MFHAS1: variants seen among roughly 807,000 people sequenced by gnomAD.
MFHAS1 encodes the protein malignant fibrous histiocytoma-amplified sequence 1.
A neutral mutation model predicts 70.4 loss-of-function variants in MFHAS1; 50 were observed. The observed-to-expected ratio is 0.71, with a 90% CI of 0.57 to 0.90. The LOEUF is 0.90. MFHAS1 is among the 40% of genes least tolerant of loss of function. The pLI, the probability that MFHAS1 is intolerant of heterozygous loss-of-function variation, is 0.00. For synonymous variants in MFHAS1, 952 were observed against 620.0 expected (o/e 1.54, Z -7.96); for missense variants, 1,795 against 1,347.6 (o/e 1.33, Z -5.20).
At chr8:8,853,662 G>A (rs1439961336) in intron 1 of MFHAS1, among the ~76,000 whole-genome samples, 2 of 152,128 alleles carry the variant, frequency 1.3e-5, no homozygotes, top group Admixed American at 6.5e-5. Context: ...CGCCTCCAGG[G>A]TTCAAGCGAT....
intron 1 of MFHAS1, among the ~76,000 whole-genome samples, chr8:8,854,173 G>A (rs1431168016): frequency 1.3e-5 from 2 of 152,092 alleles, no homozygotes; most frequent in Admixed American, 1.3e-4. Context: ...AAGGTGGCAG[G>A]ATGACTTGAG....
chr8:8,796,031 T>G (rs147302492), intron 2 of MFHAS1, among the ~76,000 whole-genome samples: 5 of 152,306 alleles, frequency 3.3e-5, no homozygotes, highest in Non-Finnish European at 5.9e-5. Context: ...TTTTCAGGAT[T>G]TGAAGTAACA....
intron 1 of MFHAS1, among the ~76,000 whole-genome samples, chr8:8,878,496 T>C (rs1172487554): frequency 6.6e-6 from 1 of 152,156 alleles, no homozygotes; most frequent in Non-Finnish European, 1.5e-5. Flanking sequence ...TCTCCAAAAA[T>C]AGGGAGACTG....
intron 1 of MFHAS1, 52 bp downstream of exon 1, chr8:8,890,009 A>G: frequency 7.0e-7 from 1 of 1,431,290 alleles, no homozygotes; most frequent in Non-Finnish European, 9.5e-7. Flanking sequence ...AGTATCTCCA[A>G]AAACATATCT....
intron 1 of MFHAS1, among the ~76,000 whole-genome samples, chr8:8,798,934 G>C (rs576111348): frequency 1.2e-3 from 189 of 152,094 alleles, no homozygotes; most frequent in African/African-American, 4.4e-3. Flanking sequence ...TGTAGTCCCA[G>C]CTACCCAGGA....
At chr8:8,837,928 A>C (rs1017846435) in intron 1 of MFHAS1, among the ~76,000 whole-genome samples, 12 of 152,208 alleles carry the variant, frequency 7.9e-5, no homozygotes, top group Admixed American at 7.2e-4. Context: ...CCACCCCTAC[A>C]TGTTTACTCA....
chr8:8,818,697 C>T (rs1409817001), intron 1 of MFHAS1, among the ~76,000 whole-genome samples: 1 of 152,216 alleles, frequency 6.6e-6, no homozygotes, highest in Non-Finnish European at 1.5e-5. Context: ...TCCTCACATC[C>T]TTGTTACCCT....
intron 1 of MFHAS1, among the ~76,000 whole-genome samples, chr8:8,858,594 G>A (rs75059374): frequency 3.2e-4 from 48 of 152,106 alleles, no homozygotes; most frequent in East Asian, 9.7e-4. Flanking sequence ...TCATTGTGGC[G>A]ATGGCCTCAC....
intron 1 of MFHAS1, among the ~76,000 whole-genome samples, chr8:8,819,462 G>A (rs551692025): frequency 3.4e-4 from 51 of 152,092 alleles, no homozygotes; most frequent in Non-Finnish European, 4.3e-4. Context: ...AAAATTAGCC[G>A]GGCATGGTGG....
intron 1 of MFHAS1, among the ~76,000 whole-genome samples, chr8:8,848,167 C>T (rs943845526): frequency 9.2e-5 from 14 of 152,170 alleles, no homozygotes; most frequent in East Asian, 1.9e-4. Context: ...CCCTTTTAGC[C>T]GAGCTCCCAG....
chr8:8,807,824 G>A (rs879470733), intron 1 of MFHAS1, among the ~76,000 whole-genome samples: 1 of 152,160 alleles, frequency 6.6e-6, no homozygotes, highest in Non-Finnish European at 1.5e-5. Flanking sequence ...TATTCTCTTA[G>A]TAACAATTTA....
intron 1 of MFHAS1, among the ~76,000 whole-genome samples, chr8:8,812,845 C>T (rs919250629): frequency 1.3e-5 from 2 of 152,142 alleles, no homozygotes; most frequent in East Asian, 3.9e-4. Flanking sequence ...GAGCTCACTG[C>T]AACCTCCACC....
At position 8,892,055 on chromosome 8, in the gene MFHAS1, G is replaced by C. The variant is rs768078792; in HGVS notation, c.1004C>G (p.Pro335Arg). The C allele has an allele frequency of 1.9e-6, 3 of 1,613,424 alleles. No individual in the cohort carries two copies. The highest frequency in any genetic ancestry group is 2.5e-6 in the Non-Finnish European group (3 of 1,180,024). The change falls in exon 1 of 3, where the codon CCG (proline) becomes CGG (arginine). Residue 335 changes from proline (P) to arginine (R), a missense_variant. Pro to Arg is a moderately radical substitution (Grantham distance 103). Coordinates refer to ENST00000276282, the MANE Select transcript of MFHAS1 (RefSeq NM_004225.3). The surrounding 1 kb of genome is among the most constrained non-coding windows in gnomAD (Gnocchi z 4.7). ...WLDNNRIRYL[P>R]DSIVELTGLE... ...GCCGGTCAGCTCCACGATGGAGTCCGGCAGGTAGCGGATGCGGTTATTATC... is the reference window on the plus strand; with the variant it reads ...GCCGGTCAGCTCCACGATGGAGTCCCGCAGGTAGCGGATGCGGTTATTATC...
chr8:8,802,860 C>T (rs975040524), intron 1 of MFHAS1, among the ~76,000 whole-genome samples: 7 of 152,164 alleles, frequency 4.6e-5, no homozygotes, highest in Non-Finnish European at 1.0e-4. Context: ...AGGCCACCCA[C>T]ACGGGATGCT....
At chr8:8,889,338 G>A in intron 1 of MFHAS1, among the ~76,000 whole-genome samples, 1 of 152,192 alleles carries the variant, frequency 6.6e-6, no homozygotes. Context: ...GAGGGGAGCA[G>A]CAGCCCCAGG....
chr8:8,867,316 C>T lies in MFHAS1; in HGVS notation c.2998+22745G>A, dbSNP rs1009912341. ...AACAAAAGTTAAAAATATACCCTCA[C>T]ATTTTTGAAAGTATGCTTCTTATGG... On this transcript the variant is annotated intron_variant, in intron 1 of 2. Coordinates refer to ENST00000276282, the MANE Select transcript of MFHAS1 (RefSeq NM_004225.3). Among the ~76,000 whole-genome samples the T allele has an allele frequency of 2.0e-5, 3 of 152,102 alleles. No individual in the cohort carries two copies. In the South Asian group the frequency reaches 6.2e-4, roughly 32 times the overall value.
chr8:8,849,328 G>C (rs1808155014), intron 1 of MFHAS1, among the ~76,000 whole-genome samples: 1 of 151,798 alleles, frequency 6.6e-6, no homozygotes, highest in African/African-American at 2.4e-5. Context: ...TGGCCTGCCT[G>C]CCTCAGCCTC....
At position 8,891,092 on chromosome 8, in the gene MFHAS1, T is replaced by C; in HGVS notation, c.1967A>G (p.His656Arg). 6.2e-7 allele frequency: 1 copy of C among 1,613,772 alleles called. No homozygotes were observed. Among genetic ancestry groups the C allele is most frequent in the Non-Finnish European group, 8.5e-7 (1 of 1,179,980 alleles). ...AEHREIFPNL[H>R]RVLPRSWQVL... ...CTGCCAGGATCGAGGCAGTACTCTGTGTAAGTTGGGGAAGATCTCTCGGTG... is the reference window on the plus strand; with the variant it reads ...CTGCCAGGATCGAGGCAGTACTCTGCGTAAGTTGGGGAAGATCTCTCGGTG... The change falls in exon 1 of 3, where the codon CAC becomes CGC. Residue 656 changes from histidine to arginine, a missense_variant. His to Arg is a conservative substitution (Grantham distance 29, BLOSUM62 0). Transcript: ENST00000276282. The surrounding 1 kb of genome is among the most constrained non-coding windows in gnomAD (Gnocchi z 5.4).
chr8:8,877,301 C>CAAAAGAAA (rs753366690), intron 1 of MFHAS1, among the ~76,000 whole-genome samples: 1 of 63,798 alleles, frequency 1.6e-5, no homozygotes, highest in Non-Finnish European at 3.0e-5. Flanking sequence ...GACCCTGCCT[C>CAAAAGAAA]AAAAAAAAAA....
Sources: allele counts gnomAD v4.1 joint callset (sites outside exome capture counted in the v4.1 genomes callset), GRCh38; gene constraint gnomAD v4.1.1; non-coding constraint Gnocchi (gnomAD v3.1); transcripts MANE v1.5; gene names NCBI Gene and HGNC (gene_info 2026-07-23, HGNC 2026-07-21).